LGI3: variants seen among roughly 807,000 people sequenced by gnomAD.
LGI3 encodes the protein leucine rich repeat LGI family member 3, also known as leucine-rich repeat LGI family member 3.
Under a neutral mutation model 55.4 loss-of-function variants are expected in LGI3, and 47 were observed. That is an observed-to-expected ratio of 0.85 (90% CI 0.67 to 1.08). The LOEUF (loss-of-function observed/expected upper bound fraction) is 1.08. Among genes scored for constraint, LGI3 ranks in the 50% least tolerant of loss-of-function variants. The pLI, the probability that LGI3 is intolerant of heterozygous loss-of-function variation, is 0.00. For missense variants in LGI3, 664 were observed against 726.3 expected (o/e 0.91, Z 0.99); for synonymous variants, 326 against 315.0 (o/e 1.04, Z -0.37).
chr8:22,148,843 C>A lies in LGI3; in HGVS notation c.964G>T (p.Asp322Tyr). 6.2e-7 allele frequency: 1 copy of A among 1,614,176 alleles called. No individual in the cohort carries two copies. The highest frequency in any genetic ancestry group is 1.1e-5 in the South Asian group (1 of 91,068). Residue 322 changes from aspartate (D) to tyrosine (Y), a missense_variant, in exon 8 of 8, where the codon GAC (aspartate) becomes TAC (tyrosine). Transcript: ENST00000306317. This position sits in a 1 kb window ranked among gnomAD's most constrained non-coding sequence, Gnocchi z 7.0. ...TTRFTRLQDI[D>Y]PQRVRKPNDL... The stretch of plus-strand genomic sequence containing the variant: ...TTAGGCTTGCGCACGCGCTGCGGGT[C>A]AATGTCTTGCAGCCTGGTGAAGCGC...
At chr8:22,151,797 G>A (rs929487915) in intron 6 of LGI3, 34 bp downstream of exon 6, 32 of 1,586,742 alleles carry the variant, frequency 2.0e-5, no homozygotes, top group East Asian at 1.6e-4. Context: ...TGGGGTAGGC[G>A]TGGACTGACA....
intron 7 of LGI3, among the ~76,000 whole-genome samples, chr8:22,149,220 A>C (rs1317963851): frequency 6.6e-6 from 1 of 152,262 alleles, no homozygotes; most frequent in African/African-American, 2.4e-5. Flanking sequence ...ATATAAGCTG[A>C]CATAGCACAA....
chr8:22,148,655 G>A lies in LGI3; in HGVS notation c.1152C>T (p.Gly384=), dbSNP rs201217019. 1.8e-5 allele frequency: 29 copies of A among 1,613,800 alleles called. No individual in the cohort carries two copies. The highest frequency in any genetic ancestry group is 6.7e-5 in the East Asian group (3 of 44,888). Residue 384 remains glycine (G), a synonymous_variant, in exon 8 of 8, where the codon GGC becomes GGT. Coordinates refer to ENST00000306317, the MANE Select transcript of LGI3 (RefSeq NM_139278.4). This position sits in a 1 kb window ranked among gnomAD's most constrained non-coding sequence, Gnocchi z 7.0. ...HRDTDLEFVD[G]EGKPRLIVSS... is the part of the protein sequence containing the mutation. ...ACACAATCAGCCGTGGCTTGCCCTC[G>A]CCGTCCACAAACTCCAGGTCGGTGT...
At chr8:22,153,431 G>A (rs1240318973) in intron 5 of LGI3, among the ~76,000 whole-genome samples, 6 of 150,852 alleles carry the variant, frequency 4.0e-5, no homozygotes, top group Non-Finnish European at 8.9e-5. Context: ...GGCTGAGCGC[G>A]GTGGCTCACA....
rs750466045 is a variant in LGI3, at chr8:22,148,038, C to G, written c.*122G>C. 2.4e-6 allele frequency: 2 copies of G among 819,620 alleles called. No individual in the cohort carries two copies. The allele number at this position is 819,620 out of a possible 1,614,324, so 50.8% of individuals were successfully genotyped here. ...TGCGCCTGTACACACTGGGCGTGTG[C>G]GGATACAAGGGCATGAATGCAGGTT... On this transcript the variant is annotated 3_prime_UTR_variant, in exon 8 of 8. Coordinates refer to ENST00000306317, the MANE Select transcript of LGI3 (RefSeq NM_139278.4). The surrounding 1 kb of genome is among the most constrained non-coding windows in gnomAD (Gnocchi z 7.0).
At position 22,147,887 on chromosome 8, in the gene LGI3, A is replaced by C; in HGVS notation, c.*273T>G. The C allele has an allele frequency of 1.2e-5, 5 of 433,790 alleles. No homozygotes were observed. The highest frequency in any genetic ancestry group is 3.2e-5 in the South Asian group (1 of 30,920). The allele number at this position is 433,790 out of a possible 1,614,324, so 26.9% of individuals were successfully genotyped here. A position where few individuals can be genotyped will look rare whatever the true frequency, so the allele number is the denominator to read the frequency against. On this transcript the variant is annotated 3_prime_UTR_variant, in exon 8 of 8. Coordinates refer to ENST00000306317, the MANE Select transcript of LGI3 (RefSeq NM_139278.4). ...ATGAGACAGGGGGCAGAGCATGGGAAAGGCTGCAGAGTAGGGGGGGCCTGC... is the reference window on the plus strand; with the variant it reads ...ATGAGACAGGGGGCAGAGCATGGGACAGGCTGCAGAGTAGGGGGGGCCTGC...
chr8:22,149,122 C>T, intron 7 of LGI3, 145 bp from the exon 8 acceptor site: 2 of 612,536 alleles, frequency 3.3e-6, no homozygotes, highest in South Asian at 2.0e-5. Context: ...GAAGTTCATC[C>T]ACTAAGCGCT....
chr8:22,156,517 C>G lies in LGI3; in HGVS notation c.26G>C (p.Gly9Ala). 1.5e-6 allele frequency: 2 copies of G among 1,344,344 alleles called. No homozygotes were observed. Among genetic ancestry groups the G allele is most frequent in the Non-Finnish European group, 1.9e-6 (2 of 1,043,774 alleles). The allele number at this position is 1,344,344 out of a possible 1,614,324, so 83.3% of individuals were successfully genotyped here. Reference protein sequence around the residue: MAGLRARGGPGPGLLALSA... With the variant: MAGLRARGAPGPGLLALSA... ...GAGCGCCAGCAGCCCCGGCCCCGGG[C>G]CCCCCCTGGCCCGCAGCCCCGCCAT... Residue 9 changes from glycine to alanine, a missense_variant, in exon 1 of 8, where the codon GGC becomes GCC. By Grantham distance (60) the Gly-to-Ala change is moderately conservative (BLOSUM62 0). Coordinates refer to ENST00000306317, the MANE Select transcript of LGI3 (RefSeq NM_139278.4).
chr8:22,151,868 C>A lies in LGI3; in HGVS notation c.627G>T (p.Gln209His). Reference sequence around the variant, plus strand: ...AATCGAACTCCCGCAGCGGCAGGTCCTGCACCTTGTGCTCCTGGAAGCGGG... The same window carrying A: ...AATCGAACTCCCGCAGCGGCAGGTCATGCACCTTGTGCTCCTGGAAGCGGG... Reference protein sequence around the residue: ...SPPRFQEHKVQDLPLREFDCI... With the variant: ...SPPRFQEHKVHDLPLREFDCI... Residue 209 changes from glutamine to histidine, a missense_variant, in exon 6 of 8, where the codon CAG (glutamine) becomes CAT (histidine). Coordinates refer to ENST00000306317, the MANE Select transcript of LGI3 (RefSeq NM_139278.4). The A allele has an allele frequency of 1.9e-6, 3 of 1,613,288 alleles. No homozygotes were observed. The highest frequency in any genetic ancestry group is 2.5e-6 in the Non-Finnish European group (3 of 1,179,846).
chr8:22,153,723 A>C (rs1048829953), intron 5 of LGI3, among the ~76,000 whole-genome samples: 3 of 141,016 alleles, frequency 2.1e-5, no homozygotes, highest in Non-Finnish European at 3.1e-5. Context: ...AAAAAAAAAA[A>C]AAACACACAC....
chr8:22,155,429 C>G lies in LGI3; in HGVS notation c.241G>C (p.Asp81His). 6.2e-7 allele frequency: 1 copy of G among 1,613,956 alleles called. No homozygotes were observed. Among genetic ancestry groups the G allele is most frequent in the Non-Finnish European group, 8.5e-7 (1 of 1,180,004 alleles). Residue 81 changes from aspartate (D) to histidine (H), a missense_variant, in exon 2 of 8, where the codon GAT becomes CAT. Transcript: ENST00000306317. ...LVNAAFSEIQ[D>H]GAFSHLPLLQ... ...AGCGGGAGGTGGGAGAACGCTCCAT[C>G]CTGGATCTCTGAGAAGGCGGCATTC...
At chr8:22,151,740 G>T in intron 6 of LGI3, 87 bp from the exon 7 acceptor site, 2 of 1,564,064 alleles carry the variant, frequency 1.3e-6, no homozygotes, top group Non-Finnish European at 1.7e-6. Context: ...TGCTGCCGCT[G>T]GGTGTTGTGG....
intron 1 of LGI3, 94 bp downstream of exon 1, chr8:22,156,243 G>A: frequency 7.3e-7 from 1 of 1,361,432 alleles, no homozygotes; most frequent in Non-Finnish European, 1.0e-6. Flanking sequence ...CCCGCACTCT[G>A]AAGAGGGGGA....
At position 22,148,625 on chromosome 8, in the gene LGI3, G is replaced by A; in HGVS notation, c.1182C>T (p.Ser394=). The change falls in exon 8 of 8, where the codon AGC becomes AGT. Residue 394 remains serine, a synonymous_variant. Coordinates refer to ENST00000306317, the MANE Select transcript of LGI3 (RefSeq NM_139278.4). The surrounding 1 kb of genome is among the most constrained non-coding windows in gnomAD (Gnocchi z 7.0). The stretch of plus-strand genomic sequence containing the variant: ...GATAGATGACGGGTGCCTGGGAGCT[G>A]CTGGACACAATCAGCCGTGGCTTGC... ...GEGKPRLIVS[S]SSQAPVIYQW... The A allele has an allele frequency of 6.2e-7, 1 of 1,613,912 alleles. No individual in the cohort carries two copies. Among genetic ancestry groups the A allele is most frequent in the East Asian group, 2.2e-5 (1 of 44,878 alleles).
rs1827312980 is a variant in LGI3 at position 22,147,198 on chromosome 8, A to C, written c.*962T>G. ...CGCCCAGCTCAAGGGCCACATCCCA[A>C]AGACAGGGTGAACCAGGGGACAGTC... On this transcript the variant is annotated 3_prime_UTR_variant, in exon 8 of 8. Coordinates refer to ENST00000306317, the MANE Select transcript of LGI3 (RefSeq NM_139278.4). The C allele has an allele frequency of 6.6e-6, 1 of 152,362 alleles. No homozygotes were observed. Among genetic ancestry groups the C allele is most frequent in the African/African-American group, 2.4e-5 (1 of 41,454 alleles). 9.4% of individuals were successfully genotyped at this position (152,362 alleles called of 1,614,324 possible). A position where few individuals can be genotyped will look rare whatever the true frequency, so the allele number is the denominator to read the frequency against.
At chr8:22,156,098 T>C (rs1013626015) in intron 1 of LGI3, among the ~76,000 whole-genome samples, 10 of 152,172 alleles carry the variant, frequency 6.6e-5, no homozygotes, top group African/African-American at 2.4e-4. Flanking sequence ...TCGCTCGTGG[T>C]GATGATGATT....
At chr8:22,152,343 G>C (rs1220365817) in intron 5 of LGI3, among the ~76,000 whole-genome samples, 1 of 152,162 alleles carries the variant, frequency 6.6e-6, no homozygotes, top group South Asian at 2.1e-4. Flanking sequence ...CAATAAATGA[G>C]TGTGGCTCTG....
chr8:22,153,229 C>T (rs1434861327), intron 5 of LGI3, among the ~76,000 whole-genome samples: 1 of 151,172 alleles, frequency 6.6e-6, no homozygotes, highest in East Asian at 2.0e-4. Flanking sequence ...GGATTACAGG[C>T]GCCCGCCACC....
In LGI3 at chr8:22,156,742, A is replaced by G. The variant is rs1207198421; in HGVS notation, c.-200T>C. The stretch of plus-strand genomic sequence containing the variant: ...GCTCGCTCCCGCGATCCGGCTCGGG[A>G]GAGAAGAGCGGAGCGCGGAGCTGGA... On this transcript the variant is annotated 5_prime_UTR_variant, in exon 1 of 8. Coordinates refer to ENST00000306317, the MANE Select transcript of LGI3 (RefSeq NM_139278.4). 5.0e-6 allele frequency: 1 copy of G among 200,584 alleles called. No individual in the cohort carries two copies. The highest frequency in any genetic ancestry group is 2.4e-5 in the African/African-American group (1 of 42,496). 12.4% of individuals were successfully genotyped at this position (200,584 alleles called of 1,614,324 possible).
Sources: allele counts gnomAD v4.1 joint callset (sites outside exome capture counted in the v4.1 genomes callset), GRCh38; gene constraint gnomAD v4.1.1; non-coding constraint Gnocchi (gnomAD v3.1); transcripts MANE v1.5; gene names NCBI Gene and HGNC (gene_info 2026-07-23, HGNC 2026-07-21).